The following MAP3K21 variants were observed in gnomAD, a reference collection of about 807,000 sequenced individuals.
MAP3K21 encodes mitogen-activated protein kinase kinase kinase 21, also known as mitogen-activated protein kinase kinase kinase MLK4.
Under a neutral mutation model 86.1 loss-of-function variants are expected in MAP3K21, and 63 were observed. The ratio of observed to expected loss-of-function variants is 0.73; its 90% CI spans 0.60 to 0.90. MAP3K21 has a LOEUF of 0.90. Among genes scored for constraint, MAP3K21 ranks in the 40% least tolerant of loss-of-function variants. MAP3K21 has a pLI of 0.00. For missense variants in MAP3K21, 1,220 were observed against 1,367.7 expected (o/e 0.89, Z 1.70); for synonymous variants, 558 against 564.8 (o/e 0.99, Z 0.17).
chr1:233,369,750 C>CAA (rs1663648578), intron 5 of MAP3K21, among the ~76,000 whole-genome samples: 3 of 152,138 alleles, frequency 2.0e-5, no homozygotes, highest in Non-Finnish European at 2.9e-5. Flanking sequence ...TTGACTGTGG[C>CAA]TGCTTTCTCT....
chr1:233,338,907 G>A (rs1662964228), intron 1 of MAP3K21, among the ~76,000 whole-genome samples: 1 of 152,198 alleles, frequency 6.6e-6, no homozygotes, highest in African/African-American at 2.4e-5. Flanking sequence ...AGAGTCATCA[G>A]CATGAAAAGG....
At chr1:233,379,938 A>G (rs1663882661) in intron 9 of MAP3K21, among the ~76,000 whole-genome samples, 1 of 152,212 alleles carries the variant, frequency 6.6e-6, no homozygotes, top group Non-Finnish European at 1.5e-5. Flanking sequence ...ATAATAGCAT[A>G]TCAAAGCAGA....
intron 5 of MAP3K21, among the ~76,000 whole-genome samples, chr1:233,367,907 A>G (rs527708723): frequency 2.0e-5 from 3 of 152,098 alleles, no homozygotes; most frequent in South Asian, 2.1e-4. Flanking sequence ...AACATAAAGT[A>G]TGCTTTTCAA....
rs937728975 is a variant in MAP3K21 at position 233,384,930 on chromosome 1, G to A, written c.*2219G>A. ...TGTACATTTGCAATTTTCTGTGTTA[G>A]TAAACTTAGCAGAATCTGGTTATTT... On this transcript the variant is annotated 3_prime_UTR_variant, in exon 10 of 10. Transcript: ENST00000366624. 6.6e-6 allele frequency: 1 copy of A among 152,190 alleles called. No homozygotes were observed. The highest frequency in any genetic ancestry group is 1.5e-5 in the Non-Finnish European group (1 of 68,032). The allele number at this position is 152,190 out of a possible 1,614,324, so 9.4% of individuals were successfully genotyped here. A position where few individuals can be genotyped will look rare whatever the true frequency, so the allele number is the denominator to read the frequency against.
chr1:233,364,962 C>T (rs1663546621), intron 5 of MAP3K21, among the ~76,000 whole-genome samples: 1 of 152,054 alleles, frequency 6.6e-6, no homozygotes, highest in Non-Finnish European at 1.5e-5. Flanking sequence ...TTAGAATGCT[C>T]CAACCCTAAA....
In MAP3K21 at chr1:233,382,633, C is replaced by T. The variant is rs777839064; in HGVS notation, c.3033C>T (p.Tyr1011=). The change falls in exon 10 of 10, where the codon TAC becomes TAT. Residue 1011 remains tyrosine, a synonymous_variant. Coordinates refer to ENST00000366624, the MANE Select transcript of MAP3K21 (RefSeq NM_032435.3). ...ACGTGGAAGGTCAGAGCAGGGACTACACTGTGCCACTGTGCAGAATGAGGA... is the reference window on the plus strand; with the variant it reads ...ACGTGGAAGGTCAGAGCAGGGACTATACTGTGCCACTGTGCAGAATGAGGA... ...DADVEGQSRD[Y]TVPLCRMRSK... is the part of the protein sequence containing the mutation. 7.4e-6 allele frequency: 12 copies of T among 1,614,038 alleles called. No individual in the cohort carries two copies. The highest frequency in any genetic ancestry group is 3.3e-5 in the Admixed American group (2 of 60,000).
At chr1:233,341,703 C>T (rs1408919966) in intron 1 of MAP3K21, among the ~76,000 whole-genome samples, 2 of 152,106 alleles carry the variant, frequency 1.3e-5, no homozygotes, top group Non-Finnish European at 2.9e-5. Flanking sequence ...ACCTTTGCAT[C>T]GCAAGGGCTG....
intron 4 of MAP3K21, among the ~76,000 whole-genome samples, chr1:233,357,401 A>G (rs553072785): frequency 2.6e-5 from 4 of 151,926 alleles, no homozygotes; most frequent in Non-Finnish European, 5.9e-5. Context: ...CTTAAAGTAT[A>G]ATTAAAAAAA....
intron 1 of MAP3K21, among the ~76,000 whole-genome samples, chr1:233,339,327 CT>C (rs1558451059): frequency 8.3e-4 from 115 of 138,266 alleles, no homozygotes; most frequent in Non-Finnish European, 1.1e-3. Context: ...TCTTCTTCTT[CT>C]TCCTCTTCTT....
rs751135056 is a variant in MAP3K21 at position 233,379,639 on chromosome 1, C to G, written c.2633C>G (p.Pro878Arg). 50 of 1,613,838 alleles carry G rather than the reference C, an allele frequency of 3.1e-5. No individual in the cohort carries two copies. In the Middle Eastern group the frequency reaches 4.9e-4, roughly 16 times the overall value. ...SFLQQTCGNV[P>R]YCASSKHRPS... is the part of the protein sequence containing the mutation. The stretch of plus-strand genomic sequence containing the variant: ...CTACAGCAGACATGTGGGAATGTAC[C>G]TTACTGTGCTTCTTCAAAACATAGA... The change falls in exon 9 of 10, where the codon CCT becomes CGT. Residue 878 changes from proline (P) to arginine (R), a missense_variant. This residue lies in a region of MAP3K21 where 632 missense variants were observed against 691.3 expected (regional missense o/e 0.91). Transcript: ENST00000366624.
At chr1:233,332,362 C>T (rs557049110) in intron 1 of MAP3K21, among the ~76,000 whole-genome samples, 43 of 152,028 alleles carry the variant, frequency 2.8e-4, no homozygotes, top group African/African-American at 9.7e-4. Context: ...GAAGGCACTC[C>T]GAGGAAGGAC....
intron 5 of MAP3K21, among the ~76,000 whole-genome samples, chr1:233,371,749 T>TTGTGTGTGTGTGTGTG (rs71574858): frequency 2.2e-3 from 327 of 147,760 alleles, no homozygotes; most frequent in African/African-American, 7.6e-3. Flanking sequence ...ATATTTTCCT[T>TTGTGTGTGTGTGTGTG]TGTGTGTGTG....
intron 2 of MAP3K21, among the ~76,000 whole-genome samples, chr1:233,348,907 G>A (rs1463505538): frequency 6.6e-6 from 1 of 152,106 alleles, no homozygotes; most frequent in Non-Finnish European, 1.5e-5. Context: ...TTAAATCTTT[G>A]GAAACACTAG....
intron 6 of MAP3K21, chr1:233,372,430 A>T (rs1028051382): frequency 2.4e-6 from 1 of 420,916 alleles, no homozygotes; most frequent in Non-Finnish European, 4.2e-6. Context: ...ATCTCGAGAC[A>T]TTCTGTTAAA....
intron 5 of MAP3K21, among the ~76,000 whole-genome samples, chr1:233,368,640 A>G (rs12091801): frequency 0.053 from 7,850 of 149,080 alleles, 674 homozygotes; most frequent in African/African-American, 0.18. Context: ...TGGATAACAG[A>G]GTAAAATCTT....
At chr1:233,377,969 G>A (rs185167010) in intron 8 of MAP3K21, among the ~76,000 whole-genome samples, 1 of 152,278 alleles carries the variant, frequency 6.6e-6, no homozygotes, top group Non-Finnish European at 1.5e-5. Context: ...AACTGACACA[G>A]GGCGGAGCTC....
chr1:233,385,107 A>G lies in MAP3K21; in HGVS notation c.*2396A>G, dbSNP rs965367983. 1.9e-4 allele frequency: 29 copies of G among 152,148 alleles called. No individual in the cohort carries two copies. Among genetic ancestry groups the G allele is most frequent in the Non-Finnish European group, 1.0e-4 (7 of 68,002 alleles). The allele number at this position is 152,148 out of a possible 1,614,324, so 9.4% of individuals were successfully genotyped here. A position where few individuals can be genotyped will look rare whatever the true frequency, so the allele number is the denominator to read the frequency against. On this transcript the variant is annotated 3_prime_UTR_variant, in exon 10 of 10. Transcript: ENST00000366624. ...AAAAATATGTTTACATATGTTGTCT[A>G]TTTTTTTAATAAACTTTTATAGCTG...
chr1:233,360,478 T>C (rs1663446812), intron 4 of MAP3K21, among the ~76,000 whole-genome samples: 1 of 152,204 alleles, frequency 6.6e-6, no homozygotes, highest in African/African-American at 2.4e-5. Flanking sequence ...CAGTTTTTCT[T>C]GTGAAATTTG....
intron 5 of MAP3K21, among the ~76,000 whole-genome samples, chr1:233,367,432 C>A (rs76097149): frequency 1.3e-5 from 2 of 152,298 alleles, no homozygotes; most frequent in East Asian, 3.9e-4. Flanking sequence ...TCTTGAGAAC[C>A]ATTATTCTAG....
Sources: allele counts gnomAD v4.1 joint callset (sites outside exome capture counted in the v4.1 genomes callset), GRCh38; gene constraint gnomAD v4.1.1; regional missense constraint gnomAD v4.1.1; transcripts MANE v1.5; gene names NCBI Gene and HGNC (gene_info 2026-07-23, HGNC 2026-07-21).